The following CAST variants were observed in gnomAD, a reference collection of about 807,000 sequenced individuals.
CAST encodes the protein calpastatin.
In CAST, 76 loss-of-function variants were observed where a neutral mutation model predicts 119.6. The ratio of observed to expected loss-of-function variants is 0.64; its 90% CI spans 0.53 to 0.77. CAST has a LOEUF of 0.77. Ranked by LOEUF, CAST falls within the 30% of genes least tolerant of loss-of-function variation. The pLI is 0.00. For missense variants in CAST, 953 were observed against 946.5 expected (o/e 1.01, Z -0.09); for synonymous variants, 319 against 331.6 (o/e 0.96, Z 0.41).
the CAST span, among the ~76,000 whole-genome samples, chr5:96,405,035 G>A: frequency 6.6e-6 from 1 of 152,122 alleles, no homozygotes; most frequent in Non-Finnish European, 1.5e-5. Flanking sequence ...TGAGTGCCTT[G>A]GGATAAAGCT....
chr5:96,454,249 G>A, the CAST span, among the ~76,000 whole-genome samples: 6 of 152,160 alleles, frequency 3.9e-5, no homozygotes, highest in Non-Finnish European at 7.3e-5. Context: ...TTTGAAAGGT[G>A]TCATCAGACC....
chr5:96,086,998 A>G, the CAST span, among the ~76,000 whole-genome samples: 1 of 152,230 alleles, frequency 6.6e-6, no homozygotes, highest in Non-Finnish European at 1.5e-5. Flanking sequence ...GAAACAAAAT[A>G]TAGTTTAAAG....
chr5:96,464,651 AT>A, the CAST span, among the ~76,000 whole-genome samples: 1 of 152,096 alleles, frequency 6.6e-6, no homozygotes, highest in Non-Finnish European at 1.5e-5. Context: ...AGAGGGAATC[AT>A]TTTTAATTTC....
At chr5:96,103,413 T>C in the CAST span, among the ~76,000 whole-genome samples, 3 of 144,638 alleles carry the variant, frequency 2.1e-5, no homozygotes, top group Admixed American at 7.2e-5. Flanking sequence ...TGTGTTCTCA[T>C]TGTTCAATTC....
the CAST span, among the ~76,000 whole-genome samples, chr5:96,409,287 T>TA: frequency 8.5e-5 from 13 of 152,118 alleles, 1 homozygote; most frequent in African/African-American, 3.1e-4. Context: ...GAGGGAGGTG[T>TA]AAAAAAATAA....
chr5:96,626,903 T>G (rs531755169), intron 1 of CAST, among the ~76,000 whole-genome samples: 1 of 152,360 alleles, frequency 6.6e-6, no homozygotes, highest in South Asian at 2.1e-4. Flanking sequence ...GTTTATGATA[T>G]AAGCTCTATC....
At chr5:96,114,420 G>T in the CAST span, among the ~76,000 whole-genome samples, 1 of 152,178 alleles carries the variant, frequency 6.6e-6, no homozygotes, top group Non-Finnish European at 1.5e-5. Flanking sequence ...GCCCAGAGAG[G>T]AAGAGTTCTG....
the CAST span, among the ~76,000 whole-genome samples, chr5:96,332,544 C>CA: frequency 6.6e-6 from 1 of 151,886 alleles, no homozygotes; most frequent in African/African-American, 2.4e-5. Flanking sequence ...ATGTTGCATG[C>CA]AGAATATTGT....
At chr5:96,255,139 A>C in the CAST span, among the ~76,000 whole-genome samples, 2 of 152,180 alleles carry the variant, frequency 1.3e-5, no homozygotes, top group South Asian at 4.1e-4. Context: ...GAAGGGAGGC[A>C]AAGAAAAGTA....
the CAST span, among the ~76,000 whole-genome samples, chr5:96,325,090 A>G: frequency 1.3e-5 from 2 of 152,130 alleles, no homozygotes; most frequent in African/African-American, 4.8e-5. Context: ...CTGTAATCTC[A>G]GTTACCTGAG....
the CAST span, among the ~76,000 whole-genome samples, chr5:96,426,773 A>G: frequency 0.28 from 42,731 of 152,080 alleles, 6,106 homozygotes; most frequent in African/African-American, 0.3. Flanking sequence ...GTGGTGGAAT[A>G]TTGTTAATGT....
At chr5:96,393,173 T>A in the CAST span, 2 of 1,614,102 alleles carry the variant, frequency 1.2e-6, no homozygotes, top group African/African-American at 2.7e-5. Flanking sequence ...GAAGTTTTCA[T>A]AAGGGATGTT....
At chr5:96,619,046 A>G (rs989290320) in intron 1 of CAST, among the ~76,000 whole-genome samples, 1 of 151,702 alleles carries the variant, frequency 6.6e-6, no homozygotes, top group Non-Finnish European at 1.5e-5. Flanking sequence ...GTGTCTAGCT[A>G]AAGGTTTGTA....
the CAST span, among the ~76,000 whole-genome samples, chr5:96,299,039 A>G: frequency 6.6e-6 from 1 of 152,058 alleles, no homozygotes; most frequent in African/African-American, 2.4e-5. Flanking sequence ...CAAGAGTTCA[A>G]GATTAGCTTG....
At chr5:96,639,783 A>ATTTTG (rs1280290035) in intron 1 of CAST, among the ~76,000 whole-genome samples, 1 of 152,160 alleles carries the variant, frequency 6.6e-6, no homozygotes, top group Non-Finnish European at 1.5e-5. Context: ...AGGAGCCAGA[A>ATTTTG]TTTTGTTTTG....
At chr5:96,623,527 C>T (rs1051210908) in intron 1 of CAST, among the ~76,000 whole-genome samples, 1 of 152,116 alleles carries the variant, frequency 6.6e-6, no homozygotes, top group Non-Finnish European at 1.5e-5. Flanking sequence ...TATGGTCTTA[C>T]AAATATTAAG....
chr5:96,367,587 A>G, the CAST span, among the ~76,000 whole-genome samples: 2 of 152,106 alleles, frequency 1.3e-5, no homozygotes, highest in Non-Finnish European at 2.9e-5. Context: ...TGTGCTGGCA[A>G]TGAGCTAGGC....
At chr5:96,344,329 A>G in the CAST span, among the ~76,000 whole-genome samples, 1 of 152,222 alleles carries the variant, frequency 6.6e-6, no homozygotes, top group African/African-American at 2.4e-5. Context: ...ATGGATGAGT[A>G]AATGCAACAT....
At chr5:96,744,613 A>G (rs1333896633) in intron 16 of CAST, among the ~76,000 whole-genome samples, 1 of 152,200 alleles carries the variant, frequency 6.6e-6, no homozygotes, top group Non-Finnish European at 1.5e-5. Context: ...AATCATATAC[A>G]AAGTATGAAT....
Sources: allele counts gnomAD v4.1 joint callset (sites outside exome capture counted in the v4.1 genomes callset), GRCh38; gene constraint gnomAD v4.1.1; transcripts MANE v1.5; gene names NCBI Gene and HGNC (gene_info 2026-07-23, HGNC 2026-07-21).